PACRG: variants seen among roughly 807,000 people sequenced by gnomAD.
PACRG encodes the protein parkin coregulated gene protein.
In PACRG, 29 loss-of-function variants were observed where a neutral mutation model predicts 29.7. That is an observed-to-expected ratio of 0.98 (90% CI 0.73 to 1.33). PACRG has a LOEUF of 1.33. Among genes scored for constraint, PACRG ranks in the 40% most tolerant of loss-of-function variants. PACRG has a pLI of 0.00. For missense variants in PACRG, 279 were observed against 316.2 expected, an observed-to-expected ratio of 0.88 and a Z score of 0.89; for synonymous variants, 116 against 118.7, an observed-to-expected ratio of 0.98 and a Z score of 0.15.
chr6:162,910,652 A>T (rs1388049821), intron 2 of PACRG, among the ~76,000 whole-genome samples: 1 of 152,324 alleles, frequency 6.6e-6, no homozygotes, highest in East Asian at 1.9e-4. Flanking sequence ...CAAATTGTAA[A>T]TAGCTCAAAA....
intron 4 of PACRG, chr6:163,170,639 A>G (rs934820463): frequency 1.3e-5 from 2 of 152,176 alleles, no homozygotes; most frequent in Non-Finnish European, 2.9e-5. Flanking sequence ...CTGGCATCTG[A>G]TAGAAACAGC....
chr6:162,978,878 T>C (rs1457565473), intron 2 of PACRG, among the ~76,000 whole-genome samples: 6 of 152,210 alleles, frequency 3.9e-5, no homozygotes, highest in African/African-American at 1.4e-4. Context: ...TTAACATTTT[T>C]AAGGGTGACT....
At chr6:163,025,481 T>C (rs1221998695) in intron 2 of PACRG, among the ~76,000 whole-genome samples, 1 of 152,190 alleles carries the variant, frequency 6.6e-6, no homozygotes, top group African/African-American at 2.4e-5. Context: ...ACAATCTCAC[T>C]TCCAGTCACC....
At chr6:162,918,411 A>G (rs949651111) in intron 2 of PACRG, among the ~76,000 whole-genome samples, 5 of 152,210 alleles carry the variant, frequency 3.3e-5, no homozygotes, top group Admixed American at 2.6e-4. Flanking sequence ...GTTCTCATCA[A>G]TTTTAAGGAC....
chr6:163,301,065 G>A (rs914228496), intron 4 of PACRG, among the ~76,000 whole-genome samples: 6 of 146,858 alleles, frequency 4.1e-5, no homozygotes, highest in South Asian at 2.2e-4. Flanking sequence ...GGCCACGTCC[G>A]CTGCTTCCCG....
chr6:162,883,380 A>G (rs2128021862), intron 2 of PACRG, among the ~76,000 whole-genome samples: 1 of 152,334 alleles, frequency 6.6e-6, no homozygotes, highest in South Asian at 2.1e-4. Flanking sequence ...TCACATAATT[A>G]CAAAGACATA....
At chr6:163,148,979 G>GGGGA (rs1562939620) in intron 4 of PACRG, among the ~76,000 whole-genome samples, 2 of 32,422 alleles carry the variant, frequency 6.2e-5, no homozygotes, top group African/African-American at 1.4e-4. Context: ...GGGGGGGGGG[G>GGGGA]GGTGGAAAAA....
In PACRG at chr6:163,143,425, G is replaced by A. The variant is rs145113296; in HGVS notation, c.613+54017G>A. ...GGATTAAATGAAACAATATGTATGC[G>A]ATGTCTTATGAATTAATATTATTAT... On this transcript the variant is annotated intron_variant, in intron 4 of 4. Transcript: ENST00000366888. Among the ~76,000 whole-genome samples the A allele has an allele frequency of 3.3e-5, 5 of 152,148 alleles. No individual in the cohort carries two copies. The East Asian group carries it at 5.8e-4, about 18-fold the overall frequency.
intron 4 of PACRG, among the ~76,000 whole-genome samples, chr6:163,092,885 C>T (rs1165088104): frequency 6.6e-6 from 1 of 152,190 alleles, no homozygotes; most frequent in Non-Finnish European, 1.5e-5. Flanking sequence ...AACCAGGCAA[C>T]TGAAAGTGTT....
chr6:162,915,143 T>A (rs1369777539), intron 2 of PACRG, among the ~76,000 whole-genome samples: 1 of 152,086 alleles, frequency 6.6e-6, no homozygotes, highest in Non-Finnish European at 1.5e-5. Flanking sequence ...TGATATTGGC[T>A]ATGAGTTTTT....
intron 4 of PACRG, among the ~76,000 whole-genome samples, chr6:163,257,818 G>C (rs542142983): frequency 1.6e-4 from 25 of 152,216 alleles, no homozygotes; most frequent in Non-Finnish European, 2.9e-4. Flanking sequence ...GTGGAAAAGG[G>C]GTTGATATTG....
At chr6:162,959,641 G>T (rs1800444163) in intron 2 of PACRG, among the ~76,000 whole-genome samples, 2 of 152,118 alleles carry the variant, frequency 1.3e-5, no homozygotes, top group African/African-American at 4.8e-5. Context: ...ATTTTTGAAG[G>T]ATCCCTTGGG....
intron 4 of PACRG, among the ~76,000 whole-genome samples, chr6:163,108,951 G>A (rs896564734): frequency 1.3e-5 from 2 of 152,058 alleles, no homozygotes; most frequent in Admixed American, 6.6e-5. Flanking sequence ...CCATAAAGTC[G>A]CTTGTTTCTT....
chr6:163,250,883 G>GTATATATA (rs368878258), intron 4 of PACRG, among the ~76,000 whole-genome samples: 3,491 of 137,978 alleles, frequency 0.025, 169 homozygotes, highest in African/African-American at 0.089. Flanking sequence ...AGAAATTGTT[G>GTATATATA]TATATATATA....
At chr6:163,187,841 T>G (rs1780024535) in intron 4 of PACRG, 1 of 152,462 alleles carries the variant, frequency 6.6e-6, no homozygotes, top group Non-Finnish European at 1.5e-5. Flanking sequence ...GCCTGTCCGC[T>G]GATCTGCGCC....
At chr6:162,895,128 T>C (rs1028376030) in intron 2 of PACRG, among the ~76,000 whole-genome samples, 4 of 142,876 alleles carry the variant, frequency 2.8e-5, no homozygotes, top group African/African-American at 1.0e-4. Context: ...AATTTAGCCA[T>C]GTGTGGTGGC....
chr6:163,092,072 C>T lies in PACRG; in HGVS notation c.613+2664C>T, dbSNP rs576218091. On this transcript the variant is annotated intron_variant, in intron 4 of 4. Coordinates refer to ENST00000366888, the MANE Select transcript of PACRG (RefSeq NM_001080379.2). ...ATTCAAAAATATTTCTTTCAAGTCC[C>T]ACTACAAAATTCTTTTTAGAATGAG... is the stretch of plus-strand genomic sequence containing the variant. Among the ~76,000 whole-genome samples, 4 of 152,154 alleles carry T rather than the reference C, an allele frequency of 2.6e-5. No homozygotes were observed. In the South Asian group the frequency reaches 8.3e-4, roughly 32 times the overall value.
At chr6:163,134,340 C>T (rs1184904275) in intron 4 of PACRG, among the ~76,000 whole-genome samples, 2 of 152,182 alleles carry the variant, frequency 1.3e-5, no homozygotes, top group East Asian at 1.9e-4. Flanking sequence ...CCTGCTTACT[C>T]AGTAGGAGAT....
chr6:162,767,146 G>A (rs886643959), intron 1 of PACRG, among the ~76,000 whole-genome samples: 15 of 151,870 alleles, frequency 9.9e-5, no homozygotes, highest in African/African-American at 3.4e-4. Context: ...AGAATGTAAC[G>A]TTATTGAATT....
Sources: allele counts gnomAD v4.1 joint callset (sites outside exome capture counted in the v4.1 genomes callset), GRCh38; gene constraint gnomAD v4.1.1; transcripts MANE v1.5; gene names NCBI Gene and HGNC (gene_info 2026-07-23, HGNC 2026-07-21).